Variants in HIBADH observed in about 807,000 individuals in gnomAD.
The protein encoded by HIBADH is 3-hydroxyisobutyrate dehydrogenase, mitochondrial.
Under a neutral mutation model 36.1 loss-of-function variants are expected in HIBADH, and 25 were observed. The ratio of observed to expected loss-of-function variants is 0.69; its 90% CI spans 0.50 to 0.97. HIBADH has a LOEUF of 0.97. Ranked by LOEUF, HIBADH falls within the 50% of genes least tolerant of loss-of-function variation. The probability of loss-of-function intolerance (pLI) is 0.00; values close to 1 mark genes in which losing one functional copy is unlikely to be tolerated. For missense variants in HIBADH, 421 were observed against 418.0 expected (o/e 1.01, Z -0.06); for synonymous variants, 160 against 149.5 (o/e 1.07, Z -0.51).
intron 1 of HIBADH, among the ~76,000 whole-genome samples, chr7:27,650,507 T>TA (rs1299340529): frequency 1.6e-4 from 21 of 130,582 alleles, no homozygotes; most frequent in African/African-American, 5.3e-4. Context: ...TTTATTTATT[T>TA]TTTGAGACGG....
chr7:27,644,747 G>C (rs2128296313), intron 2 of HIBADH, among the ~76,000 whole-genome samples: 1 of 151,606 alleles, frequency 6.6e-6, no homozygotes, highest in South Asian at 2.1e-4. Flanking sequence ...CCTGGTGACA[G>C]AGTGAGACTC....
intron 4 of HIBADH, among the ~76,000 whole-genome samples, chr7:27,594,233 T>C (rs1392693016): frequency 1.2e-4 from 18 of 148,040 alleles, no homozygotes; most frequent in African/African-American, 4.4e-4. Flanking sequence ...AACCTCCTCC[T>C]CCTGGGTTCA....
At chr7:27,651,243 T>C (rs1186077906) in intron 1 of HIBADH, among the ~76,000 whole-genome samples, 1 of 152,208 alleles carries the variant, frequency 6.6e-6, no homozygotes, top group Admixed American at 6.5e-5. Context: ...TCTTCTTGGG[T>C]TGGAAGCATA....
At chr7:27,547,405 T>TGTTAAAGA (rs1784249186) in intron 4 of HIBADH, among the ~76,000 whole-genome samples, 3 of 152,210 alleles carry the variant, frequency 2.0e-5, no homozygotes, top group Admixed American at 6.6e-5. Context: ...TCATAGCATT[T>TGTTAAAGA]ATCACCTCTT....
rs1554300968 is a variant in HIBADH, at chr7:27,645,382, T to TGTTTGTTTGTTTTGTTTTTG, written c.252+4090_252+4091insCAAAAACAAAACAAACAAAC. On this transcript the variant is annotated intron_variant, in intron 2 of 7. Transcript: ENST00000265395. Reference sequence around the variant, plus strand: ...TCATGGTTTTGATTTTTTTTTTTTTTTTTTTTTTTTTTTGAGACAGAGTCT... The same window carrying TGTTTGTTTGTTTTGTTTTTG: ...TCATGGTTTTGATTTTTTTTTTTTTTGTTTGTTTGTTTTGTTTTTGTTTTTTTTTTTTTGAGACAGAGTCT... 5.4e-3 allele frequency among the ~76,000 whole-genome samples: 694 copies of TGTTTGTTTGTTTTGTTTTTG among 129,100 alleles called. 26 individuals are homozygous for TGTTTGTTTGTTTTGTTTTTG. The highest frequency in any genetic ancestry group is 0.021 in the African/African-American group (667 of 31,828). 84.7% of individuals were successfully genotyped at this position (129,100 alleles called of 152,430 possible).
At chr7:27,563,836 A>C (rs537397971) in intron 4 of HIBADH, among the ~76,000 whole-genome samples, 61 of 151,716 alleles carry the variant, frequency 4.0e-4, no homozygotes, top group Admixed American at 2.6e-3. Flanking sequence ...CATTTCTCTT[A>C]GGCTGCAGCT....
At chr7:27,632,729 G>C (rs1785768811) in intron 2 of HIBADH, among the ~76,000 whole-genome samples, 1 of 152,124 alleles carries the variant, frequency 6.6e-6, no homozygotes, top group Non-Finnish European at 1.5e-5. Context: ...GCAGTCCTGG[G>C]AACAGACACA....
intron 4 of HIBADH, among the ~76,000 whole-genome samples, chr7:27,563,716 G>A (rs1329297404): frequency 2.0e-5 from 3 of 152,076 alleles, no homozygotes; most frequent in Non-Finnish European, 4.4e-5. Flanking sequence ...TGACATGTCT[G>A]TTGAAATCTT....
chr7:27,603,259 A>C (rs1785163340), intron 4 of HIBADH, among the ~76,000 whole-genome samples: 1 of 152,172 alleles, frequency 6.6e-6, no homozygotes, highest in African/African-American at 2.4e-5. Context: ...TAAAACTGCA[A>C]TGATGATGCT....
chr7:27,625,915 A>T (rs1028190242), intron 4 of HIBADH, among the ~76,000 whole-genome samples: 3 of 152,000 alleles, frequency 2.0e-5, no homozygotes, highest in African/African-American at 7.3e-5. Context: ...CAAACTGGCC[A>T]ACATGGTGAA....
chr7:27,624,293 T>C (rs1413663137), intron 4 of HIBADH, among the ~76,000 whole-genome samples: 1 of 152,218 alleles, frequency 6.6e-6, no homozygotes, highest in Non-Finnish European at 1.5e-5. Context: ...CCACATTACC[T>C]GACTTCAAAA....
At chr7:27,634,416 C>G (rs1456862635) in intron 2 of HIBADH, among the ~76,000 whole-genome samples, 1 of 152,004 alleles carries the variant, frequency 6.6e-6, no homozygotes, top group East Asian at 1.9e-4. Flanking sequence ...AATATTGAGA[C>G]TCTAGAAGAG....
chr7:27,591,440 A>G (rs1293575466), intron 4 of HIBADH, among the ~76,000 whole-genome samples: 1 of 151,968 alleles, frequency 6.6e-6, no homozygotes, highest in Admixed American at 6.6e-5. Flanking sequence ...AGTCCCAGCT[A>G]CTCGGGAGGC....
chr7:27,541,917 T>C (rs1469883382), intron 5 of HIBADH, among the ~76,000 whole-genome samples: 2 of 152,210 alleles, frequency 1.3e-5, no homozygotes, highest in African/African-American at 4.8e-5. Flanking sequence ...TAGCAACAGG[T>C]GGCCACAAAA....
chr7:27,601,691 C>T (rs1785133049), intron 4 of HIBADH, among the ~76,000 whole-genome samples: 2 of 152,012 alleles, frequency 1.3e-5, no homozygotes, highest in Admixed American at 1.3e-4. Context: ...ATAAGGTATT[C>T]TGGCTTTTTA....
intron 6 of HIBADH, among the ~76,000 whole-genome samples, chr7:27,535,157 C>G (rs990272322): frequency 1.3e-5 from 2 of 151,388 alleles, no homozygotes; most frequent in Non-Finnish European, 2.9e-5. Context: ...CAGATCTGTT[C>G]CTGTGACACA....
intron 1 of HIBADH, among the ~76,000 whole-genome samples, chr7:27,650,820 T>C (rs1411830080): frequency 6.6e-6 from 1 of 151,908 alleles, no homozygotes; most frequent in Non-Finnish European, 1.5e-5. Flanking sequence ...ATCAAAGTAA[T>C]GCGTTACAGA....
At chr7:27,660,249 T>G (rs1425663061) in intron 1 of HIBADH, among the ~76,000 whole-genome samples, 1 of 152,234 alleles carries the variant, frequency 6.6e-6, no homozygotes, top group East Asian at 1.9e-4. Flanking sequence ...TTCTTTTTCT[T>G]AATGTCATTT....
intron 4 of HIBADH, among the ~76,000 whole-genome samples, chr7:27,574,727 C>T (rs1454007685): frequency 6.6e-6 from 1 of 152,154 alleles, no homozygotes; most frequent in Non-Finnish European, 1.5e-5. Flanking sequence ...AGTTCAAGTT[C>T]AAAATCCATG....
Sources: allele counts gnomAD v4.1 joint callset (sites outside exome capture counted in the v4.1 genomes callset), GRCh38; gene constraint gnomAD v4.1.1; transcripts MANE v1.5; gene names NCBI Gene and HGNC (gene_info 2026-07-23, HGNC 2026-07-21).